The following INSR variants were observed in gnomAD, a reference collection of about 807,000 sequenced individuals.
INSR encodes insulin receptor.
INSR carries 67 observed loss-of-function variants against 142.6 expected under a neutral mutation model. That is an observed-to-expected ratio of 0.47 (90% CI 0.39 to 0.58). The LOEUF is 0.58. Ranked by LOEUF, INSR falls within the 20% of genes least tolerant of loss-of-function variation. The pLI, the probability that INSR is intolerant of heterozygous loss-of-function variation, is 0.00. For missense variants in INSR, 1,248 were observed against 1,833.2 expected (o/e 0.68, Z 5.83); for synonymous variants, 756 against 743.1 (o/e 1.02, Z -0.28).
chr19:7,272,914 C>T (rs763775135), intron 1 of INSR, among the ~76,000 whole-genome samples: 11 of 152,106 alleles, frequency 7.2e-5, no homozygotes, highest in Non-Finnish European at 1.5e-4. Flanking sequence ...TGTTGTCTGA[C>T]TCCATTCATA....
At position 7,225,903 on chromosome 19, in the gene INSR, C is replaced by A. The variant is rs188921890; in HGVS notation, c.653-41266G>T. Among the ~76,000 whole-genome samples the A allele has an allele frequency of 1.0e-3, 156 of 152,270 alleles. 1 individual carries two copies. The highest frequency in any genetic ancestry group is 1.8e-3 in the Non-Finnish European group (125 of 68,026). The stretch of plus-strand genomic sequence containing the variant: ...TGGAAGCCAGGGATGCTGCTAGCAC[C>A]CTCAGTGCCCAGGACGGCCCCACCC... On this transcript the variant is annotated intron_variant, in intron 2 of 21. Transcript: ENST00000302850. This position sits in a 1 kb window ranked among gnomAD's most constrained non-coding sequence, Gnocchi z 4.7.
Position 7,158,289 on chromosome 19 carries a change from A to T in INSR, c.2029+4743T>A, listed in dbSNP as rs1973655354. ...GCCAAGGTGGGCAGATCACGAGGTC[A>T]GGAGATCGAGACCATCCTGGCTAAC... On this transcript the variant is annotated intron_variant, in intron 9 of 21. Transcript: ENST00000302850. 2.6e-5 allele frequency among the ~76,000 whole-genome samples: 4 copies of T among 152,106 alleles called. No homozygotes were observed. In the South Asian group the frequency reaches 6.2e-4, roughly 24 times the overall value.
chr19:7,197,848 G>A (rs1035231490), intron 2 of INSR, among the ~76,000 whole-genome samples: 2 of 147,838 alleles, frequency 1.4e-5, no homozygotes, highest in Admixed American at 6.8e-5. Context: ...GAGAGAGAGA[G>A]AGAGAACGAG....
At chr19:7,164,733 G>A (rs1297565359) in intron 8 of INSR, among the ~76,000 whole-genome samples, 1 of 150,342 alleles carries the variant, frequency 6.7e-6, no homozygotes, top group African/African-American at 2.5e-5. Flanking sequence ...GGCTGAGGCA[G>A]GAGAATCGCT....
At chr19:7,198,900 G>GA (rs895716170) in intron 2 of INSR, among the ~76,000 whole-genome samples, 1 of 36,458 alleles carries the variant, frequency 2.7e-5, no homozygotes, top group African/African-American at 6.0e-5. Flanking sequence ...CACTTTTTTT[G>GA]GGGGGGGGGT....
At chr19:7,152,267 T>C (rs1482605568) in intron 10 of INSR, 2 of 271,456 alleles carry the variant, frequency 7.4e-6, no homozygotes, top group Admixed American at 1.0e-4. Flanking sequence ...GCTGCGCACC[T>C]GTAGTCCCAG....
At chr19:7,174,368 A>C (rs1974087500) in intron 4 of INSR, among the ~76,000 whole-genome samples, 1 of 152,110 alleles carries the variant, frequency 6.6e-6, no homozygotes, top group African/African-American at 2.4e-5. Flanking sequence ...GAAAATGAGA[A>C]TCTCAAGGTT....
chr19:7,226,580 T>G (rs1975791148), intron 2 of INSR, among the ~76,000 whole-genome samples: 1 of 151,554 alleles, frequency 6.6e-6, no homozygotes, highest in South Asian at 2.1e-4. Flanking sequence ...ATATAAAAAT[T>G]AGCCAGGTGC....
intron 2 of INSR, among the ~76,000 whole-genome samples, chr19:7,214,725 T>C (rs1370548150): frequency 6.6e-6 from 1 of 152,118 alleles, no homozygotes; most frequent in East Asian, 1.9e-4. Context: ...TTATCCCTCT[T>C]TTTATAGATG....
chr19:7,182,587 C>T (rs1388643108), intron 3 of INSR, among the ~76,000 whole-genome samples: 2 of 152,044 alleles, frequency 1.3e-5, no homozygotes, highest in South Asian at 2.1e-4. Context: ...CAATAAAATA[C>T]GGTGACAATG....
chr19:7,293,771 C>G, intron 1 of INSR, 21 bp downstream of exon 1: 3 of 1,332,150 alleles, frequency 2.3e-6, no homozygotes, highest in Non-Finnish European at 2.9e-6. Context: ...TCCCCGCCCA[C>G]GCCCGCGCCC....
chr19:7,134,280 C>A (rs1455937031), intron 13 of INSR, among the ~76,000 whole-genome samples: 2 of 152,194 alleles, frequency 1.3e-5, no homozygotes, highest in Non-Finnish European at 2.9e-5. Flanking sequence ...GCCATGTATC[C>A]AGCAAAATTA....
chr19:7,172,878 C>CA (rs61587971), intron 4 of INSR, among the ~76,000 whole-genome samples: 61,244 of 143,026 alleles, frequency 0.43, 12,861 homozygotes, highest in Non-Finnish European at 0.45. Context: ...ACTAAAACTA[C>CA]AAAAAAAAAA....
intron 3 of INSR, among the ~76,000 whole-genome samples, chr19:7,175,698 G>A (rs1334816192): frequency 6.6e-6 from 1 of 152,092 alleles, no homozygotes; most frequent in African/African-American, 2.4e-5. Context: ...AGCTGGGTGT[G>A]GTGGCACGTG....
intron 1 of INSR, among the ~76,000 whole-genome samples, chr19:7,278,441 C>T (rs7254921): frequency 0.45 from 68,454 of 152,034 alleles, 16,060 homozygotes; most frequent in Non-Finnish European, 0.52. Flanking sequence ...AGGCAGATAC[C>T]CAACTCTGGA....
rs1310850066 is a variant in INSR at position 7,150,187 on chromosome 19, G to A, written c.2267+310C>T. 2.0e-5 allele frequency among the ~76,000 whole-genome samples: 3 copies of A among 152,198 alleles called. No individual in the cohort carries two copies. The highest frequency in any genetic ancestry group is 4.4e-5 in the Non-Finnish European group (3 of 68,022). ...CCACCTCTGCAAATGCACGCGGGAG[G>A]TGCAGAGATGTTTAGTGAGCAAACA... On this transcript the variant is annotated intron_variant, in intron 11 of 21. Coordinates refer to ENST00000302850, the MANE Select transcript of INSR (RefSeq NM_000208.4). This position sits in a 1 kb window ranked among gnomAD's most constrained non-coding sequence, Gnocchi z 4.2.
chr19:7,254,698 A>C (rs1015266607), intron 2 of INSR, among the ~76,000 whole-genome samples: 1 of 152,208 alleles, frequency 6.6e-6, no homozygotes, highest in African/African-American at 2.4e-5. Flanking sequence ...CAGATCACTG[A>C]AGGACCTGGG....
intron 8 of INSR, 114 bp from the exon 9 acceptor site, chr19:7,163,313 C>G: frequency 9.1e-7 from 1 of 1,093,834 alleles, no homozygotes. Context: ...CCCATCCCAG[C>G]ATTTTGGGCG....
chr19:7,170,736 A>G lies in INSR; in HGVS notation c.1284T>C (p.Tyr428=), dbSNP rs794727776. The change falls in exon 6 of 22, where the codon TAT becomes TAC. Residue 428 remains tyrosine (Y), a synonymous_variant. Coordinates refer to ENST00000302850, the MANE Select transcript of INSR (RefSeq NM_000208.4). ...ETLEIGNYSF[Y]ALDNQNLRQL... is the part of the protein sequence containing the mutation. ...GCCTTAGGTTCTGGTTGTCCAAGGC[A>G]TAGAAGGAGTAGTTCCTATGGAAAA... 3.7e-6 allele frequency: 6 copies of G among 1,613,784 alleles called. No homozygotes were observed. Among genetic ancestry groups the G allele is most frequent in the Non-Finnish European group, 5.1e-6 (6 of 1,179,724 alleles).
Sources: gnomAD v4.1 joint callset for allele counts (sites outside exome capture counted in the v4.1 genomes callset) on GRCh38, gnomAD v4.1.1 for gene constraint, Gnocchi (gnomAD v3.1) non-coding constraint, MANE v1.5 for transcripts, NCBI Gene and HGNC (gene_info 2026-07-23, HGNC 2026-07-21) for gene names.